ST3GAL4: variants seen among roughly 807,000 people sequenced by gnomAD.
The protein encoded by ST3GAL4 is ST3 beta-galactoside alpha-2,3-sialyltransferase 4.
A neutral mutation model predicts 42.6 loss-of-function variants in ST3GAL4; 24 were observed. The ratio of observed to expected loss-of-function variants is 0.56; its 90% confidence interval spans 0.41 to 0.79. ST3GAL4 has a LOEUF of 0.79. Among genes scored for constraint, ST3GAL4 ranks in the 30% least tolerant of loss-of-function variants. ST3GAL4 has a pLI of 0.00. For synonymous variants in ST3GAL4, 135 were observed against 163.2 expected (o/e 0.83, Z 1.32); for missense variants, 311 against 430.8 (o/e 0.72, Z 2.46).
Position 126,409,087 on chromosome 11 carries a change from C to G in ST3GAL4, c.628-181C>G, listed in dbSNP as rs749718296. 2.4e-4 allele frequency among the ~76,000 whole-genome samples: 36 copies of G among 152,184 alleles called. No homozygotes were observed. The highest frequency in any genetic ancestry group is 4.6e-4 in the Non-Finnish European group (31 of 68,036). On this transcript the variant is annotated intron_variant, in intron 8 of 10. Transcript: ENST00000444328. The surrounding 1 kb of genome is among the most constrained non-coding windows in gnomAD (Gnocchi z 4.9). ...GGGGTGCCTTTCCTCCTCTCTTTCC[C>G]TGGTCCTCTCCTGGTCTCCCATCTG...
rs1031392651 is a variant in ST3GAL4 at position 126,378,665 on chromosome 11, C to T, written c.-61+22823C>T. On this transcript the variant is annotated intron_variant, in intron 1 of 10. Coordinates refer to ENST00000444328, the MANE Select transcript of ST3GAL4 (RefSeq NM_001254757.2). The surrounding 1 kb of genome is among the most constrained non-coding windows in gnomAD (Gnocchi z 5.3). ...CTCGTGATCCACCCTCCTCGGCCCCCCAAAGGGATGACTGGTTTTCTTTCC... is the reference window on the plus strand; with the variant it reads ...CTCGTGATCCACCCTCCTCGGCCCCTCAAAGGGATGACTGGTTTTCTTTCC... 6.6e-6 allele frequency among the ~76,000 whole-genome samples: 1 copy of T among 152,210 alleles called. No homozygotes were observed.
At chr11:126,390,420 A>G (rs1193756311) in intron 1 of ST3GAL4, among the ~76,000 whole-genome samples, 1 of 152,000 alleles carries the variant, frequency 6.6e-6, no homozygotes, top group Admixed American at 6.6e-5. Flanking sequence ...AGATTGTAAA[A>G]TATGCACATA....
intron 8 of ST3GAL4, 78 bp downstream of exon 8, chr11:126,408,574 G>A: frequency 6.5e-7 from 1 of 1,531,554 alleles, no homozygotes; most frequent in Non-Finnish European, 8.9e-7. Context: ...GCTCCTTGAT[G>A]TCCGCCTGGC....
rs563926792 is a variant in ST3GAL4, at chr11:126,378,260, G to T, written c.-61+22418G>T. Among the ~76,000 whole-genome samples the T allele has an allele frequency of 6.6e-6, 1 of 152,290 alleles. No individual in the cohort carries two copies. The highest frequency in any genetic ancestry group is 1.9e-4 in the East Asian group (1 of 5,180). ...AAGTGCATCCTATTACCCACGAGTT[G>T]GGGGTGATACGAATGTCATGGTTAT... On this transcript the variant is annotated intron_variant, in intron 1 of 10. Transcript: ENST00000444328. This position sits in a 1 kb window ranked among gnomAD's most constrained non-coding sequence, Gnocchi z 5.3.
chr11:126,370,513 C>G (rs1277627951), intron 1 of ST3GAL4, among the ~76,000 whole-genome samples: 1 of 152,134 alleles, frequency 6.6e-6, no homozygotes, highest in Non-Finnish European at 1.5e-5. Context: ...AGGGAATTAA[C>G]TGATAAGTTA....
At chr11:126,413,870 T>A in intron 10 of ST3GAL4, 91 bp from the exon 11 acceptor site, 1 of 1,484,166 alleles carries the variant, frequency 6.7e-7, no homozygotes, top group Non-Finnish European at 9.3e-7. Flanking sequence ...TCCCAAGAAG[T>A]GTGGGGCCAT....
intron 1 of ST3GAL4, among the ~76,000 whole-genome samples, chr11:126,399,167 C>T (rs1011484641): frequency 3.9e-5 from 6 of 152,126 alleles, no homozygotes; most frequent in Non-Finnish European, 4.4e-5. Context: ...AACTATCAAA[C>T]GGTAACATGC....
At chr11:126,374,085 T>C (rs1022040051) in intron 1 of ST3GAL4, among the ~76,000 whole-genome samples, 1 of 151,852 alleles carries the variant, frequency 6.6e-6, no homozygotes, top group Non-Finnish European at 1.5e-5. Context: ...GAAACATCTT[T>C]GCAAGCAGGG....
rs779118307 is a variant in ST3GAL4, at chr11:126,413,485, C to G, written c.772-20C>G. On this transcript the variant is annotated intron_variant, in intron 9 of 10. Transcript: ENST00000444328. ...GAGGAGCAGGGCTCCCACTAACACC[C>G]TCCTGCCCCTGTTCCTCAGAAGCCC... The G allele has an allele frequency of 1.9e-6, 3 of 1,613,054 alleles. No individual in the cohort carries two copies. Among genetic ancestry groups the G allele is most frequent in the Non-Finnish European group, 1.7e-6 (2 of 1,179,732 alleles).
Position 126,392,389 on chromosome 11 carries a change from C to T in ST3GAL4, c.-60-13707C>T, listed in dbSNP as rs1953553803. The T allele has an allele frequency of 3.0e-6, 3 of 985,614 alleles. No homozygotes were observed. Among genetic ancestry groups the T allele is most frequent in the Non-Finnish European group, 3.6e-6 (3 of 829,818 alleles). 61.1% of individuals were successfully genotyped at this position (985,614 alleles called of 1,614,324 possible). The stretch of plus-strand genomic sequence containing the variant: ...TAAGATCAGTCGGACATGACAACCT[C>T]CAGTTCTGCAGAAGCCACTTCATTT... On this transcript the variant is annotated intron_variant, in intron 1 of 10. Transcript: ENST00000444328. This position sits in a 1 kb window ranked among gnomAD's most constrained non-coding sequence, Gnocchi z 5.8.
chr11:126,375,118 GGA>G (rs1826945722), intron 1 of ST3GAL4: 2 of 152,142 alleles, frequency 1.3e-5, no homozygotes, highest in Admixed American at 1.3e-4. Flanking sequence ...GGCCTACAGC[GGA>G]GAGAGTCAGT....
rs569688352 is a variant in ST3GAL4, at chr11:126,380,787, A to G, written c.-61+24945A>G. On this transcript the variant is annotated intron_variant, in intron 1 of 10. Transcript: ENST00000444328. ...AGCATCTCCAAAGAAGAGCTGCCGC[A>G]TGGAGCTTCCCTGACTGGTGACCTC... Among the ~76,000 whole-genome samples, 454 of 152,306 alleles carry G rather than the reference A, an allele frequency of 3.0e-3. 2 individuals carry two copies. The highest frequency in any genetic ancestry group is 5.5e-3 in the Non-Finnish European group (372 of 68,026).
In ST3GAL4 at chr11:126,406,080, G is replaced by A; in HGVS notation, c.-60-16G>A. The stretch of plus-strand genomic sequence containing the variant: ...TTTGTGAAGCTGACCGGACACCTGT[G>A]GCTCTTATTTCCTAGGTGGCCCGAG... On this transcript the variant is annotated splice_polypyrimidine_tract_variant and intron_variant, in intron 1 of 10. Coordinates refer to ENST00000444328, the MANE Select transcript of ST3GAL4 (RefSeq NM_001254757.2). The surrounding 1 kb of genome is among the most constrained non-coding windows in gnomAD (Gnocchi z 5.4). The A allele has an allele frequency of 3.2e-6, 5 of 1,551,538 alleles. No homozygotes were observed. The highest frequency in any genetic ancestry group is 4.4e-6 in the Non-Finnish European group (5 of 1,146,986).
chr11:126,403,523 G>T, intron 1 of ST3GAL4: 1 of 874,898 alleles, frequency 1.1e-6, no homozygotes, highest in African/African-American at 1.8e-5. Context: ...CCCTATTCAT[G>T]CCTGGGCCCC....
Position 126,366,401 on chromosome 11 carries a change from C to T in ST3GAL4, c.-61+10559C>T, listed in dbSNP as rs1440956684. ...GGACTGAGAGCTGGGTGTGTGTGTG[C>T]GCATGCCTGTGTCTGTGTGATCTGG... is the stretch of plus-strand genomic sequence containing the variant. On this transcript the variant is annotated intron_variant, in intron 1 of 10. Coordinates refer to ENST00000444328, the MANE Select transcript of ST3GAL4 (RefSeq NM_001254757.2). The surrounding 1 kb of genome is among the most constrained non-coding windows in gnomAD (Gnocchi z 4.2). 1.3e-5 allele frequency among the ~76,000 whole-genome samples: 2 copies of T among 151,952 alleles called. No individual in the cohort carries two copies. The highest frequency in any genetic ancestry group is 2.9e-5 in the Non-Finnish European group (2 of 67,992).
At position 126,392,960 on chromosome 11, in the gene ST3GAL4, CTTTT is replaced by C. The variant is rs34002567; in HGVS notation, c.-60-13121_-60-13118del. Among the ~76,000 whole-genome samples the C allele has an allele frequency of 6.3e-5, 8 of 127,802 alleles. No individual in the cohort carries two copies. The highest frequency in any genetic ancestry group is 1.6e-4 in the Admixed American group (2 of 12,458). The allele number at this position is 127,802 out of a possible 152,430, so 83.8% of individuals were successfully genotyped here. A position where few individuals can be genotyped will look rare whatever the true frequency, so the allele number is the denominator to read the frequency against. ...ATTTGTAACACGACCAACTCCTGTT[CTTTT>C]TTTTTTTTTTTTTTGAGACAGGCTA... On this transcript the variant is annotated intron_variant, in intron 1 of 10. Transcript: ENST00000444328. The surrounding 1 kb of genome is among the most constrained non-coding windows in gnomAD (Gnocchi z 5.8).
At chr11:126,404,971 G>T (rs1377798058) in intron 1 of ST3GAL4, among the ~76,000 whole-genome samples, 1 of 152,248 alleles carries the variant, frequency 6.6e-6, no homozygotes, top group Non-Finnish European at 1.5e-5. Context: ...AACATGGAAA[G>T]TTTCCACTGG....
rs932966688 is a variant in ST3GAL4, at chr11:126,411,393, C to T, written c.771+1982C>T. On this transcript the variant is annotated intron_variant, in intron 9 of 10. Coordinates refer to ENST00000444328, the MANE Select transcript of ST3GAL4 (RefSeq NM_001254757.2). The surrounding 1 kb of genome is among the most constrained non-coding windows in gnomAD (Gnocchi z 6.3). ...CCTTAGGTGATCTACCCGCCTCGGCCTCCCAAAGTGCTGGGATTACAGGTG... is the reference window on the plus strand; with the variant it reads ...CCTTAGGTGATCTACCCGCCTCGGCTTCCCAAAGTGCTGGGATTACAGGTG... Among the ~76,000 whole-genome samples the T allele has an allele frequency of 1.3e-5, 2 of 152,198 alleles. No homozygotes were observed.
At position 126,396,334 on chromosome 11, in the gene ST3GAL4, G is replaced by T. The variant is rs1953758778; in HGVS notation, c.-60-9762G>T. On this transcript the variant is annotated intron_variant, in intron 1 of 10. Transcript: ENST00000444328. The surrounding 1 kb of genome is among the most constrained non-coding windows in gnomAD (Gnocchi z 5.8). ...CTGAGGTTCGGCAGGGAAGCCAGAG[G>T]AGTCCGCAGCCCGGGAGACCTGGCC... 1.3e-5 allele frequency among the ~76,000 whole-genome samples: 2 copies of T among 152,104 alleles called. No homozygotes were observed.
Sources: gnomAD v4.1 joint callset for allele counts (sites outside exome capture counted in the v4.1 genomes callset) on GRCh38, gnomAD v4.1.1 for gene constraint, Gnocchi (gnomAD v3.1) non-coding constraint, MANE v1.5 for transcripts, NCBI Gene and HGNC (gene_info 2026-07-23, HGNC 2026-07-21) for gene names.